UTRN: variants seen among roughly 807,000 people sequenced by gnomAD.
UTRN encodes the protein utrophin.
Under a neutral mutation model 463.9 loss-of-function variants are expected in UTRN, and 283 were observed. The observed-to-expected ratio is 0.61, with a 90% CI of 0.55 to 0.67. UTRN has a LOEUF of 0.67. Among genes scored for constraint, UTRN ranks in the 30% least tolerant of loss-of-function variants. UTRN has a pLI of 0.00. For missense variants in UTRN, 3,922 were observed against 4,084.3 expected (o/e 0.96, Z 1.08); for synonymous variants, 1,442 against 1,431.5 (o/e 1.01, Z -0.17).
chr6:144,730,276 A>G (rs771475203), intron 53 of UTRN, 81 bp from the exon 54 acceptor site: 2 of 1,353,668 alleles, frequency 1.5e-6, no homozygotes, highest in Admixed American at 2.7e-5. Flanking sequence ...AAGTGTGGTC[A>G]GAAGTGGTAT....
intron 41 of UTRN, among the ~76,000 whole-genome samples, chr6:144,530,381 T>C (rs956511482): frequency 7.2e-5 from 11 of 152,170 alleles, no homozygotes; most frequent in Non-Finnish European, 5.9e-5. Context: ...TTAACCTTAT[T>C]TGTGTCCTGG....
chr6:144,475,008 A>T (rs1791047272), intron 25 of UTRN, among the ~76,000 whole-genome samples: 1 of 152,176 alleles, frequency 6.6e-6, no homozygotes, highest in South Asian at 2.1e-4. Flanking sequence ...CATTTATGAC[A>T]CTTGCTTTAC....
rs928408432 is a variant in UTRN, at chr6:144,298,086, G to A, written c.79+6179G>A. On this transcript the variant is annotated intron_variant, in intron 2 of 74. Coordinates refer to ENST00000367545, the MANE Select transcript of UTRN (RefSeq NM_007124.3). ...AGCAATGGAGAAAGGGTACTCTGCT[G>A]AAGTGGTTTCAGATGCATTGGCTGG... is the stretch of plus-strand genomic sequence containing the variant. Among the ~76,000 whole-genome samples the A allele has an allele frequency of 2.6e-5, 4 of 152,008 alleles. No individual in the cohort carries two copies. The South Asian group carries it at 8.3e-4, about 31-fold the overall frequency.
intron 54 of UTRN, among the ~76,000 whole-genome samples, chr6:144,734,175 C>T (rs1184656357): frequency 6.6e-6 from 1 of 152,108 alleles, no homozygotes; most frequent in Non-Finnish European, 1.5e-5. Flanking sequence ...GCCCAGATGT[C>T]TCATGTACCC....
At chr6:144,542,936 C>A in intron 46 of UTRN, 66 bp downstream of exon 46, 1 of 1,332,234 alleles carries the variant, frequency 7.5e-7, no homozygotes, top group Non-Finnish European at 1.0e-6. Context: ...GTGATATGAG[C>A]CTCATACATG....
intron 49 of UTRN, 67 bp downstream of exon 49, chr6:144,554,960 T>C (rs1299161689): frequency 3.3e-6 from 5 of 1,525,776 alleles, no homozygotes; most frequent in Non-Finnish European, 4.5e-6. Flanking sequence ...TATTGTTCAC[T>C]GTAATTCTTA....
In UTRN at chr6:144,406,288, A is replaced by G. The variant is rs146652010; in HGVS notation, c.141+3104A>G. Among the ~76,000 whole-genome samples, 5 of 152,086 alleles carry G rather than the reference A, an allele frequency of 3.3e-5. No individual in the cohort carries two copies. The East Asian group carries it at 5.8e-4, about 18-fold the overall frequency. ...CCTTGAATACATGGACCACTGTGATAATCTGCTAATTGGTTCTTCCATTCC... is the reference window on the plus strand; with the variant it reads ...CCTTGAATACATGGACCACTGTGATGATCTGCTAATTGGTTCTTCCATTCC... On this transcript the variant is annotated intron_variant, in intron 3 of 74. Transcript: ENST00000367545.
At chr6:144,539,213 C>CAATTA in intron 44 of UTRN, 81 bp from the exon 45 acceptor site, 1 of 1,378,998 alleles carries the variant, frequency 7.3e-7, no homozygotes, top group Non-Finnish European at 9.7e-7. Flanking sequence ...TGTAATAATA[C>CAATTA]CAAAAAGGTT....
Position 144,314,073 on chromosome 6 carries a change from C to T in UTRN, c.79+22166C>T, listed in dbSNP as rs890911371. On this transcript the variant is annotated intron_variant, in intron 2 of 74. Transcript: ENST00000367545. ...TCAGAGAGGGAGGCTGGAGAATATT[C>T]ACTTATTTAGCTTAATGTTTTCAAC... is the stretch of plus-strand genomic sequence containing the variant. 2.0e-5 allele frequency among the ~76,000 whole-genome samples: 3 copies of T among 152,188 alleles called. No homozygotes were observed. The East Asian group carries it at 5.8e-4, about 29-fold the overall frequency.
At chr6:144,742,756 A>C (rs1349408769) in intron 54 of UTRN, among the ~76,000 whole-genome samples, 1 of 152,208 alleles carries the variant, frequency 6.6e-6, no homozygotes, top group Non-Finnish European at 1.5e-5. Context: ...TTATGTAACT[A>C]GTTAGTATTG....
intron 66 of UTRN, among the ~76,000 whole-genome samples, chr6:144,822,939 C>G (rs527715836): frequency 3.9e-5 from 6 of 152,108 alleles, no homozygotes; most frequent in Non-Finnish European, 8.8e-5. Context: ...TATCTACACG[C>G]TTTACAGGAA....
At chr6:144,528,026 A>G (rs895515914) in intron 41 of UTRN, among the ~76,000 whole-genome samples, 2 of 129,664 alleles carry the variant, frequency 1.5e-5, no homozygotes, top group African/African-American at 6.3e-5. Context: ...CTGGTAAGCT[A>G]GTGTGATTTT....
At chr6:144,321,461 CTT>C (rs529134208) in intron 2 of UTRN, among the ~76,000 whole-genome samples, 1,998 of 100,042 alleles carry the variant, frequency 0.02, 15 homozygotes, top group African/African-American at 0.068. Context: ...TGTGCCATAT[CTT>C]TTTTTTTTTT....
intron 39 of UTRN, among the ~76,000 whole-genome samples, chr6:144,521,763 C>T (rs1796113753): frequency 6.6e-6 from 1 of 151,946 alleles, no homozygotes; most frequent in South Asian, 2.1e-4. Context: ...CATACTTATA[C>T]TGTTTAATAT....
chr6:144,482,456 T>A lies in UTRN; in HGVS notation c.3687+68T>A, dbSNP rs1791998736. 1.5e-5 allele frequency: 16 copies of A among 1,060,254 alleles called. No homozygotes were observed. The South Asian group carries it at 5.5e-4, about 37-fold the overall frequency. The allele number at this position is 1,060,254 out of a possible 1,614,324, so 65.7% of individuals were successfully genotyped here. The stretch of plus-strand genomic sequence containing the variant: ...TATTATTATTATTTTCAGTGATGTA[T>A]TTCTGAGATCCAAACTCTGTAATGT... On this transcript the variant is annotated intron_variant, in intron 27 of 74. Transcript: ENST00000367545.
At chr6:144,584,385 G>A (rs192515063) in intron 51 of UTRN, among the ~76,000 whole-genome samples, 108 of 152,176 alleles carry the variant, frequency 7.1e-4, no homozygotes, top group African/African-American at 2.5e-3. Flanking sequence ...AGTTATAATA[G>A]CAATTTTTAC....
intron 2 of UTRN, among the ~76,000 whole-genome samples, chr6:144,321,461 CTTTT>C (rs529134208): frequency 2.0e-5 from 2 of 100,442 alleles, no homozygotes; most frequent in South Asian, 6.7e-4. Context: ...TGTGCCATAT[CTTTT>C]TTTTTTTTTT....
intron 34 of UTRN, among the ~76,000 whole-genome samples, chr6:144,502,493 AGTGAGAATAT>A (rs1439978797): frequency 6.6e-6 from 1 of 151,922 alleles, no homozygotes; most frequent in Admixed American, 6.6e-5. Flanking sequence ...CCCACTTATG[AGTGAGAATAT>A]GTGGTGTTTG....
At chr6:144,679,751 T>C (rs575886939) in intron 52 of UTRN, among the ~76,000 whole-genome samples, 218 of 152,292 alleles carry the variant, frequency 1.4e-3, no homozygotes, top group African/African-American at 4.9e-3. Flanking sequence ...GAATTTTCAA[T>C]GATTACTTAT....
Sources: allele counts gnomAD v4.1 joint callset (sites outside exome capture counted in the v4.1 genomes callset), GRCh38; gene constraint gnomAD v4.1.1; transcripts MANE v1.5; gene names NCBI Gene and HGNC (gene_info 2026-07-23, HGNC 2026-07-21).